Variants in PCGF3 observed in about 807,000 individuals in gnomAD.
The protein encoded by PCGF3 is polycomb group ring finger 3.
A neutral mutation model predicts 33.1 loss-of-function variants in PCGF3; 7 were observed. The observed-to-expected ratio is 0.21, with a 90% CI of 0.12 to 0.40. The LOEUF is 0.40. Among genes scored for constraint, PCGF3 ranks in the 10% least tolerant of loss-of-function variants. The probability of loss-of-function intolerance (pLI) is 1.00; values close to 1 mark genes in which losing one functional copy is unlikely to be tolerated. For missense variants in PCGF3, 211 were observed against 313.3 expected, an observed-to-expected ratio of 0.67 and a Z score of 2.46; for synonymous variants, 153 against 121.3, an observed-to-expected ratio of 1.26 and a Z score of -1.72.
chr4:713,297 T>C (rs1222409555), intron 1 of PCGF3, among the ~76,000 whole-genome samples: 2 of 84,520 alleles, frequency 2.4e-5, no homozygotes, highest in Non-Finnish European at 5.1e-5. Flanking sequence ...TGTGGCCTCA[T>C]GGGGGCTGTA....
chr4:752,992 G>A (rs979091321), intron 8 of PCGF3, among the ~76,000 whole-genome samples: 1 of 152,236 alleles, frequency 6.6e-6, no homozygotes, highest in African/African-American at 2.4e-5. Context: ...GAACCACAAA[G>A]GTTTGTGTTT....
chr4:729,952 C>T (rs746021067), intron 1 of PCGF3, among the ~76,000 whole-genome samples: 3 of 152,198 alleles, frequency 2.0e-5, no homozygotes, highest in Non-Finnish European at 4.4e-5. Flanking sequence ...GAAGCACTCC[C>T]AGCATGGCAG....
chr4:720,285 C>T lies in PCGF3; in HGVS notation c.-189-10345C>T, dbSNP rs1024669551. ...CGTGCATCGCTGCAGAGGGTGACTG[C>T]GGGAGGAGTGCCCGCCCATGCATCG... On this transcript the variant is annotated intron_variant, in intron 1 of 10. Coordinates refer to ENST00000362003, the Ensembl canonical transcript of PCGF3. This position sits in a 1 kb window ranked among gnomAD's most constrained non-coding sequence, Gnocchi z 5.6. 3.3e-5 allele frequency among the ~76,000 whole-genome samples: 5 copies of T among 151,216 alleles called. No homozygotes were observed. Among genetic ancestry groups the T allele is most frequent in the Non-Finnish European group, 5.9e-5 (4 of 67,742 alleles).
intron 8 of PCGF3, among the ~76,000 whole-genome samples, chr4:747,655 C>T (rs1321161605): frequency 1.0e-5 from 1 of 99,992 alleles, no homozygotes; most frequent in Non-Finnish European, 2.2e-5. Context: ...AGCAGGTGGG[C>T]GGGGCCCCGG....
exon 11 of PCGF3, chr4:769,414 G>A (rs1351696257): frequency 3.3e-5 from 5 of 152,710 alleles, no homozygotes; most frequent in Admixed American, 2.0e-4. Context: ...AGTGCACATA[G>A]CTAAATCACA....
At chr4:755,372 G>C (rs1473092314) in intron 8 of PCGF3, among the ~76,000 whole-genome samples, 2 of 152,162 alleles carry the variant, frequency 1.3e-5, no homozygotes, top group Non-Finnish European at 2.9e-5. Flanking sequence ...TCCTCTGCGT[G>C]TGAGTTGCTT....
At chr4:712,231 G>T (rs1577393198) in intron 1 of PCGF3, among the ~76,000 whole-genome samples, 1 of 152,086 alleles carries the variant, frequency 6.6e-6, no homozygotes, top group Non-Finnish European at 1.5e-5. Context: ...CGTTTCTCCC[G>T]ACAGAACTGA....
At chr4:751,036 T>C (rs1744488700) in intron 8 of PCGF3, among the ~76,000 whole-genome samples, 1 of 148,868 alleles carries the variant, frequency 6.7e-6, no homozygotes, top group South Asian at 2.2e-4. Flanking sequence ...CCCGTTGTCT[T>C]TGTTGTGAGA....
intron 1 of PCGF3, among the ~76,000 whole-genome samples, chr4:727,890 G>A (rs1436639566): frequency 6.6e-6 from 1 of 152,198 alleles, no homozygotes; most frequent in Non-Finnish European, 1.5e-5. Context: ...TCTGAGAAGA[G>A]TATGAGACTG....
At chr4:755,237 C>T (rs1333416931) in intron 8 of PCGF3, among the ~76,000 whole-genome samples, 1 of 152,246 alleles carries the variant, frequency 6.6e-6, no homozygotes, top group Admixed American at 6.5e-5. Flanking sequence ...TGGTGACCAG[C>T]CCATCACTCT....
At position 721,104 on chromosome 4, in the gene PCGF3, G is replaced by GGGA. The variant is rs1743059210; in HGVS notation, c.-189-9523_-189-9521dup. The stretch of plus-strand genomic sequence containing the variant: ...GGCACCCATGAGGCTGAGGACCCTG[G>GGGA]GGAGGGAACGCTGCTTGTCGGGCGG... On this transcript the variant is annotated intron_variant, in intron 1 of 10. Transcript: ENST00000362003. The surrounding 1 kb of genome is among the most constrained non-coding windows in gnomAD (Gnocchi z 4.1). Among the ~76,000 whole-genome samples, 1 of 152,060 alleles carries GGGA rather than the reference G, an allele frequency of 6.6e-6. No individual in the cohort carries two copies. Among genetic ancestry groups the GGGA allele is most frequent in the African/African-American group, 2.4e-5 (1 of 41,398 alleles).
chr4:729,371 T>C (rs1392851620), intron 1 of PCGF3, among the ~76,000 whole-genome samples: 1 of 150,536 alleles, frequency 6.6e-6, no homozygotes, highest in East Asian at 2.0e-4. Context: ...GCCAAGATCG[T>C]GCCACTGCAC....
intron 2 of PCGF3, 63 bp downstream of exon 2, chr4:730,731 G>A (rs370875215): frequency 2.9e-4 from 91 of 315,858 alleles, no homozygotes; most frequent in Middle Eastern, 2.5e-3. Flanking sequence ...GACTCCGCCG[G>A]GACCACGCTT....
At chr4:738,466 C>T (rs865850201) in intron 6 of PCGF3, among the ~76,000 whole-genome samples, 7 of 152,174 alleles carry the variant, frequency 4.6e-5, no homozygotes, top group Middle Eastern at 3.2e-3. Flanking sequence ...CCTTAAGAAA[C>T]GTTTGCACCG....
chr4:734,689 A>T, intron 4 of PCGF3: 1 of 1,319,106 alleles, frequency 7.6e-7, no homozygotes, highest in Non-Finnish European at 9.7e-7. Context: ...TTTTTTTCCC[A>T]CTTAATTCCT....
intron 8 of PCGF3, among the ~76,000 whole-genome samples, chr4:748,516 A>G (rs1744371071): frequency 6.6e-6 from 1 of 152,176 alleles, no homozygotes; most frequent in East Asian, 1.9e-4. Flanking sequence ...TTTAGTTTAC[A>G]TTTACACGTT....
chr4:766,239 C>T (rs1217984311), exon 11 of PCGF3: 1 of 610,338 alleles, frequency 1.6e-6, no homozygotes, highest in South Asian at 1.9e-5. Context: ...CAACAAGACA[C>T]TACCAGCACC....
chr4:750,373 C>T (rs1744459389), intron 8 of PCGF3, among the ~76,000 whole-genome samples: 1 of 152,170 alleles, frequency 6.6e-6, no homozygotes, highest in Non-Finnish European at 1.5e-5. Flanking sequence ...GATCTTCTTG[C>T]TTGTTCACTT....
intron 1 of PCGF3, among the ~76,000 whole-genome samples, chr4:730,036 C>T (rs1023307882): frequency 3.3e-5 from 5 of 152,114 alleles, no homozygotes; most frequent in Non-Finnish European, 1.5e-5. Context: ...TGTGTCCCTC[C>T]CCTGCCCCTC....
Sources: allele counts gnomAD v4.1 joint callset (sites outside exome capture counted in the v4.1 genomes callset), GRCh38; gene constraint gnomAD v4.1.1; non-coding constraint Gnocchi (gnomAD v3.1); transcripts MANE v1.5; gene names NCBI Gene and HGNC (gene_info 2026-07-23, HGNC 2026-07-21).